Variants in SLC6A11 observed in about 807,000 individuals in gnomAD.
The protein encoded by SLC6A11 is solute carrier family 6 member 11.
In SLC6A11, 25 loss-of-function variants were observed where a neutral mutation model predicts 74.8. The ratio of observed to expected loss-of-function variants is 0.33; its 90% confidence interval spans 0.24 to 0.47. The LOEUF is 0.47. Ranked by LOEUF, SLC6A11 falls within the 20% of genes least tolerant of loss-of-function variation. The probability of loss-of-function intolerance (pLI) is 1.00; values close to 1 mark genes in which losing one functional copy is unlikely to be tolerated. For synonymous variants in SLC6A11, 330 were observed against 330.2 expected, an observed-to-expected ratio of 1.00 and a Z score of 0.01; for missense variants, 574 against 837.0, an observed-to-expected ratio of 0.69 and a Z score of 3.88.
chr3:10,868,575 G>T (rs1372709692), intron 5 of SLC6A11, among the ~76,000 whole-genome samples: 2 of 152,204 alleles, frequency 1.3e-5, no homozygotes, highest in African/African-American at 2.4e-5. Context: ...TGTGTTTTGG[G>T]CAGTGATGCC....
chr3:10,931,740 C>G (rs984237302), intron 10 of SLC6A11, among the ~76,000 whole-genome samples: 1 of 152,238 alleles, frequency 6.6e-6, no homozygotes, highest in Admixed American at 6.5e-5. Context: ...CCCCAGTTAG[C>G]CATGGTCCCC....
chr3:10,926,012 C>A lies in SLC6A11; in HGVS notation c.1129C>A (p.Leu377Met). The change falls in exon 9 of 14, where the codon CTG becomes ATG. Residue 377 changes from leucine to methionine, a missense_variant. Physicochemically the swap from Leu to Met is conservative, Grantham distance 15. Transcript: ENST00000254488. This position sits in a 1 kb window ranked among gnomAD's most constrained non-coding sequence, Gnocchi z 5.7. ...TCTCTCCCTCGCTCCAGGCCCCGGC[C>A]TGGCCTTTATTGCGTACCCCAAGGC... ...IAEVAESGPG[L>M]AFIAYPKAVT... 6.2e-7 allele frequency: 1 copy of A among 1,607,374 alleles called. No individual in the cohort carries two copies. The highest frequency in any genetic ancestry group is 8.5e-7 in the Non-Finnish European group (1 of 1,174,514).
intron 10 of SLC6A11, among the ~76,000 whole-genome samples, chr3:10,930,779 G>A (rs2950805): frequency 2.5e-4 from 38 of 152,234 alleles, no homozygotes; most frequent in Non-Finnish European, 4.4e-4. Context: ...CCAGCTCACC[G>A]AGTCTCTGAT....
intron 5 of SLC6A11, among the ~76,000 whole-genome samples, chr3:10,863,109 T>C (rs189954686): frequency 8.0e-4 from 122 of 152,366 alleles, no homozygotes; most frequent in African/African-American, 2.7e-3. Context: ...TTGCAGTCCA[T>C]GTAGGTCTTC....
chr3:10,933,855 T>G (rs1428293544), intron 11 of SLC6A11: 1 of 450,494 alleles, frequency 2.2e-6, no homozygotes, highest in African/African-American at 2.0e-5. Context: ...AGGAGAGCTC[T>G]CTCCAGTAGT....
chr3:10,863,987 G>A (rs191643019), intron 5 of SLC6A11, among the ~76,000 whole-genome samples: 1 of 152,212 alleles, frequency 6.6e-6, no homozygotes, highest in African/African-American at 2.4e-5. Flanking sequence ...TGTGAAATGG[G>A]AATAATATTT....
intron 6 of SLC6A11, among the ~76,000 whole-genome samples, chr3:10,898,453 T>G (rs1695197353): frequency 6.6e-6 from 1 of 152,258 alleles, no homozygotes; most frequent in African/African-American, 2.4e-5. Context: ...GCTTTGCTGC[T>G]TAGAAATTTC....
chr3:10,902,318 T>C (rs3774098), intron 6 of SLC6A11, among the ~76,000 whole-genome samples: 10,174 of 152,306 alleles, frequency 0.067, 375 homozygotes, highest in East Asian at 0.085. Context: ...CCCATCCATC[T>C]CTGTTGGACC....
Position 10,933,251 on chromosome 3 carries a change from A to G in SLC6A11, c.1472A>G (p.Tyr491Cys). 6.2e-7 allele frequency: 1 copy of G among 1,610,932 alleles called. No homozygotes were observed. The highest frequency in any genetic ancestry group is 8.5e-7 in the Non-Finnish European group (1 of 1,177,222). ...GAGTGCATCTGCATCGGCTGGGTGT[A>G]TGGTGAGTAGCAGCCAAGCCCGTCC... ...IFECICIGWV[Y>C]GSNRFYDNIE... is the part of the protein sequence containing the mutation. Residue 491 changes from tyrosine (Y) to cysteine (C), a missense_variant and splice_region_variant, in exon 11 of 14, where the codon TAT becomes TGT. Coordinates refer to ENST00000254488, the MANE Select transcript of SLC6A11 (RefSeq NM_014229.3).
At chr3:10,873,431 T>TATGGCATGCC (rs1559566698) in intron 5 of SLC6A11, among the ~76,000 whole-genome samples, 1 of 150,630 alleles carries the variant, frequency 6.6e-6, no homozygotes, top group Non-Finnish European at 1.5e-5. Flanking sequence ...TATCCTATCC[T>TATGGCATGCC]ATCCTATCCT....
chr3:10,824,871 C>T lies in SLC6A11; in HGVS notation c.623+1479C>T, dbSNP rs532655467. On this transcript the variant is annotated intron_variant, in intron 4 of 13. Transcript: ENST00000254488. Reference sequence around the variant, plus strand: ...ATGCGTTGTCAGTTTTATCATATAACGTAAAATTACTTTAGAAAGAAATTA... The same window carrying T: ...ATGCGTTGTCAGTTTTATCATATAATGTAAAATTACTTTAGAAAGAAATTA... 3.9e-5 allele frequency: 6 copies of T among 152,254 alleles called. No individual in the cohort carries two copies. In the South Asian group the frequency reaches 6.2e-4, roughly 16 times the overall value. The allele number at this position is 152,254 out of a possible 1,614,324, so 9.4% of individuals were successfully genotyped here.
At chr3:10,875,889 A>G (rs145737910) in intron 6 of SLC6A11, among the ~76,000 whole-genome samples, 65 of 152,336 alleles carry the variant, frequency 4.3e-4, no homozygotes, top group Non-Finnish European at 7.1e-4. Context: ...CATAACCCAG[A>G]CCAATTAAAA....
chr3:10,926,229 C>T lies in SLC6A11; in HGVS notation c.1233+113C>T. Reference sequence around the variant, plus strand: ...CCCAGCCACTCCCACCTGGCCCTGGCATCAGGGCCCTGCCCACCGTCCCCC... The same window carrying T: ...CCCAGCCACTCCCACCTGGCCCTGGTATCAGGGCCCTGCCCACCGTCCCCC... On this transcript the variant is annotated intron_variant, in intron 9 of 13. Coordinates refer to ENST00000254488, the MANE Select transcript of SLC6A11 (RefSeq NM_014229.3). This position sits in a 1 kb window ranked among gnomAD's most constrained non-coding sequence, Gnocchi z 5.7. 1.5e-6 allele frequency: 1 copy of T among 673,410 alleles called. No homozygotes were observed. Among genetic ancestry groups the T allele is most frequent in the Non-Finnish European group, 2.6e-6 (1 of 381,526 alleles). The allele number at this position is 673,410 out of a possible 1,614,324, so 41.7% of individuals were successfully genotyped here. A position where few individuals can be genotyped will look rare whatever the true frequency, so the allele number is the denominator to read the frequency against.
intron 7 of SLC6A11, among the ~76,000 whole-genome samples, chr3:10,916,301 A>C (rs1483425457): frequency 6.6e-6 from 1 of 152,212 alleles, no homozygotes; most frequent in Non-Finnish European, 1.5e-5. Flanking sequence ...CAGTACCAGA[A>C]GAGTTATTTG....
chr3:10,879,564 G>T (rs1050833551), intron 6 of SLC6A11, among the ~76,000 whole-genome samples: 1 of 152,152 alleles, frequency 6.6e-6, no homozygotes, highest in Non-Finnish European at 1.5e-5. Context: ...GGTTGCACCC[G>T]CCTGCCCCAG....
chr3:10,887,373 T>C (rs1695057071), intron 6 of SLC6A11, among the ~76,000 whole-genome samples: 1 of 152,074 alleles, frequency 6.6e-6, no homozygotes, highest in African/African-American at 2.4e-5. Flanking sequence ...TAAAGGAACA[T>C]AGACAATCAG....
chr3:10,937,094 G>C (rs370894913), intron 13 of SLC6A11, among the ~76,000 whole-genome samples: 86 of 152,276 alleles, frequency 5.6e-4, no homozygotes, highest in African/African-American at 2.0e-3. Context: ...ACAGAGGTGC[G>C]TCAGTGATGC....
chr3:10,869,729 C>A (rs973321313), intron 5 of SLC6A11, among the ~76,000 whole-genome samples: 6 of 152,152 alleles, frequency 3.9e-5, no homozygotes, highest in Non-Finnish European at 7.3e-5. Flanking sequence ...ACCTTGAATG[C>A]GAGGCTGAGG....
rs144606936 is a variant in SLC6A11 at position 10,864,041 on chromosome 3, G to T, written c.757-10920G>T. ...ATAATGTAAGAATAAGGCACATCAA[G>T]GAAATGATAAATGTCAGTCCTATTA... On this transcript the variant is annotated intron_variant, in intron 5 of 13. Coordinates refer to ENST00000254488, the MANE Select transcript of SLC6A11 (RefSeq NM_014229.3). Among the ~76,000 whole-genome samples, 167 of 152,086 alleles carry T rather than the reference G, an allele frequency of 1.1e-3. 1 individual carries two copies. Among genetic ancestry groups the T allele is most frequent in the African/African-American group, 3.9e-3 (161 of 41,502 alleles).
Sources: gnomAD v4.1 joint callset for allele counts (sites outside exome capture counted in the v4.1 genomes callset) on GRCh38, gnomAD v4.1.1 for gene constraint, Gnocchi (gnomAD v3.1) non-coding constraint, MANE v1.5 for transcripts, NCBI Gene and HGNC (gene_info 2026-07-23, HGNC 2026-07-21) for gene names.